HABP4: variants seen among roughly 807,000 people sequenced by gnomAD.
HABP4 encodes the protein intracellular hyaluronan-binding protein 4.
In HABP4, 32 loss-of-function variants were observed where a neutral mutation model predicts 44.1. The ratio of observed to expected loss-of-function variants is 0.73; its 90% CI spans 0.55 to 0.97. The LOEUF is 0.97. HABP4 is among the 50% of genes least tolerant of loss of function. The probability of loss-of-function intolerance (pLI) is 0.00; values close to 1 mark genes in which losing one functional copy is unlikely to be tolerated. For missense variants in HABP4, 503 were observed against 561.9 expected, an observed-to-expected ratio of 0.90 and a Z score of 1.06; for synonymous variants, 216 against 218.0, an observed-to-expected ratio of 0.99 and a Z score of 0.08.
At chr9:96,454,114 A>G (rs1832332878) in intron 1 of HABP4, among the ~76,000 whole-genome samples, 2 of 152,212 alleles carry the variant, frequency 1.3e-5, no homozygotes, top group Admixed American at 1.3e-4. Flanking sequence ...TAAATGTCCT[A>G]TTTTAAGTTT....
chr9:96,465,287 GA>G, intron 2 of HABP4, 49 bp from the exon 3 acceptor site: 1 of 1,197,486 alleles, frequency 8.4e-7, no homozygotes, highest in East Asian at 2.4e-5. Context: ...TTTCTGGAGA[GA>G]CCTTAGACCT....
At position 96,490,147 on chromosome 9, in the gene HABP4, C is replaced by A. The variant is rs369515584; in HGVS notation, c.*109C>A. 2.4e-5 allele frequency: 18 copies of A among 736,556 alleles called. No homozygotes were observed. In the African/African-American group the frequency reaches 2.5e-4, roughly 10 times the overall value. The allele number at this position is 736,556 out of a possible 1,614,324, so 45.6% of individuals were successfully genotyped here. On this transcript the variant is annotated 3_prime_UTR_variant, in exon 8 of 8. Coordinates refer to ENST00000375249, the MANE Select transcript of HABP4 (RefSeq NM_014282.4). ...TAAGAACAATAGATGTTGCTTTTCCCGTGTCATGTAAATTTGTTGCACTTT... is the reference window on the plus strand; with the variant it reads ...TAAGAACAATAGATGTTGCTTTTCCAGTGTCATGTAAATTTGTTGCACTTT...
intron 2 of HABP4, among the ~76,000 whole-genome samples, chr9:96,462,443 C>CT (rs1024307517): frequency 2.6e-5 from 4 of 151,328 alleles, no homozygotes; most frequent in African/African-American, 9.7e-5. Context: ...AGATGAGACT[C>CT]TGTCTCTAAA....
Position 96,484,538 on chromosome 9 carries a change from C to T in HABP4, c.904C>T (p.Gln302Ter). 6.3e-7 allele frequency: 1 copy of T among 1,585,966 alleles called. No homozygotes were observed. Among genetic ancestry groups the T allele is most frequent in the Non-Finnish European group, 8.7e-7 (1 of 1,154,300 alleles). The change falls in exon 6 of 8, where the codon CAG becomes TAG. Residue 302 changes from glutamine (Q) to a stop codon, truncating the protein, a stop_gained. Transcript: ENST00000375249. LOFTEE classifies it high-confidence loss of function. ...AGATGAGTGGAAAAATCTTCAAGAACAGACCAGACCAAAGCCTGAGTTTAA... is the reference window on the plus strand; with the variant it reads ...AGATGAGTGGAAAAATCTTCAAGAATAGACCAGACCAAAGCCTGAGTTTAA... ...TLDEWKNLQE[Q>*]TRPKPEFNIR...
intron 5 of HABP4, among the ~76,000 whole-genome samples, chr9:96,480,102 G>C (rs1832849933): frequency 6.6e-6 from 1 of 152,176 alleles, no homozygotes; most frequent in Non-Finnish European, 1.5e-5. Flanking sequence ...TTGAGCCCAG[G>C]AGGTGGAGGT....
intron 1 of HABP4, among the ~76,000 whole-genome samples, chr9:96,456,835 A>C (rs1832402960): frequency 7.5e-6 from 1 of 133,650 alleles, no homozygotes; most frequent in East Asian, 2.2e-4. Flanking sequence ...ATTAACTTGA[A>C]TAAATGTCAT....
chr9:96,476,639 C>T (rs185093052), intron 5 of HABP4, among the ~76,000 whole-genome samples: 5 of 152,250 alleles, frequency 3.3e-5, no homozygotes, highest in East Asian at 1.9e-4. Context: ...TTCCTAGAAT[C>T]GAAGGATACA....
chr9:96,459,848 G>A (rs1388324046), intron 2 of HABP4, among the ~76,000 whole-genome samples: 1 of 152,210 alleles, frequency 6.6e-6, no homozygotes. Context: ...ACACATTCAA[G>A]ACATTGAGAT....
chr9:96,458,483 C>T lies in HABP4; in HGVS notation c.454C>T (p.Arg152Ter), dbSNP rs375868244. The T allele has an allele frequency of 1.2e-6, 2 of 1,613,064 alleles. No homozygotes were observed. The highest frequency in any genetic ancestry group is 3.3e-5 in the Admixed American group (2 of 60,016). ...RAERRSYREY[R>*]PYETERQADF... ...TGAGCGGAGATCCTACAGGGAATAC[C>T]GACCCTATGAGACAGAGAGGCAGGC... The change falls in exon 2 of 8, where the codon CGA becomes TGA. Residue 152 changes from arginine to a stop codon, truncating the protein, a stop_gained. Transcript: ENST00000375249. LOFTEE classifies it high-confidence loss of function.
At chr9:96,483,855 GGT>G (rs1942433345) in intron 5 of HABP4, 1 of 151,758 alleles carries the variant, frequency 6.6e-6, no homozygotes, top group Non-Finnish European at 1.5e-5. Context: ...TCTTTCTTTT[GGT>G]GTGTGTGGAT....
chr9:96,489,568 C>T (rs1423666420), intron 7 of HABP4, among the ~76,000 whole-genome samples: 1 of 152,244 alleles, frequency 6.6e-6, no homozygotes, highest in East Asian at 1.9e-4. Flanking sequence ...CTGGATGGCC[C>T]TCCTGTGGCC....
Position 96,451,381 on chromosome 9 carries a change from G to T in HABP4, c.349+753G>T, listed in dbSNP as rs561522997. ...TGGTGTCCTGCTGCCTGTGGACGGG[G>T]AGGGTGCTTCAGAGTTCATTCTCTC... is the stretch of plus-strand genomic sequence containing the variant. On this transcript the variant is annotated intron_variant, in intron 1 of 7. Coordinates refer to ENST00000375249, the MANE Select transcript of HABP4 (RefSeq NM_014282.4). The T allele has an allele frequency of 2.2e-4, 120 of 543,678 alleles. No individual in the cohort carries two copies. The African/African-American group carries it at 2.3e-3, about 11-fold the overall frequency. 33.7% of individuals were successfully genotyped at this position (543,678 alleles called of 1,614,324 possible). A position where few individuals can be genotyped will look rare whatever the true frequency, so the allele number is the denominator to read the frequency against.
chr9:96,462,400 A>G (rs555931912), intron 2 of HABP4, among the ~76,000 whole-genome samples: 1 of 152,102 alleles, frequency 6.6e-6, no homozygotes, highest in African/African-American at 2.4e-5. Context: ...GCAGTGAGCC[A>G]AGATTGTGCC....
At chr9:96,463,940 G>A (rs1009278682) in intron 2 of HABP4, among the ~76,000 whole-genome samples, 4 of 152,176 alleles carry the variant, frequency 2.6e-5, no homozygotes, top group African/African-American at 4.8e-5. Context: ...GTTTTTAAAA[G>A]CCTTTCCAAA....
rs375474752 is a variant in HABP4 at position 96,465,443 on chromosome 9, G to A, written c.619G>A (p.Ala207Thr). ...RGGPGNRVFD[A>T]FDQRGKREFE... ...TGGCCCTGGGAACAGAGTTTTTGAC[G>A]CTTTTGACCAGAGAGGAAAGCGAGA... is the stretch of plus-strand genomic sequence containing the variant. Residue 207 changes from alanine (A) to threonine (T), a missense_variant, in exon 3 of 8, where the codon GCT becomes ACT. By Grantham distance (58) the Ala-to-Thr change is moderately conservative. Transcript: ENST00000375249. 3.3e-5 allele frequency: 54 copies of A among 1,612,422 alleles called. No individual in the cohort carries two copies. The highest frequency in any genetic ancestry group is 2.0e-4 in the East Asian group (9 of 44,888).
intron 1 of HABP4, among the ~76,000 whole-genome samples, chr9:96,455,890 A>T (rs942824977): frequency 2.0e-5 from 3 of 151,886 alleles, no homozygotes; most frequent in Admixed American, 6.6e-5. Flanking sequence ...CCCCATCTCT[A>T]CTAAAAATAC....
rs1026177394 is a variant in HABP4 at position 96,490,590 on chromosome 9, T to C, written c.*552T>C. Reference sequence around the variant, plus strand: ...ACCAATCATTTAAAAATCGCTATTGTGTAGCCACTGGCCACCACTCTGTGA... The same window carrying C: ...ACCAATCATTTAAAAATCGCTATTGCGTAGCCACTGGCCACCACTCTGTGA... On this transcript the variant is annotated 3_prime_UTR_variant, in exon 8 of 8. Coordinates refer to ENST00000375249, the MANE Select transcript of HABP4 (RefSeq NM_014282.4). 2.0e-5 allele frequency: 3 copies of C among 152,544 alleles called. No individual in the cohort carries two copies. Among genetic ancestry groups the C allele is most frequent in the African/African-American group, 7.2e-5 (3 of 41,470 alleles). 9.4% of individuals were successfully genotyped at this position (152,544 alleles called of 1,614,324 possible). A position where few individuals can be genotyped will look rare whatever the true frequency, so the allele number is the denominator to read the frequency against.
At chr9:96,489,188 C>T (rs912884000) in intron 7 of HABP4, among the ~76,000 whole-genome samples, 14 of 151,870 alleles carry the variant, frequency 9.2e-5, no homozygotes, top group East Asian at 1.9e-4. Flanking sequence ...ATTTTTTGGG[C>T]GGGGGGTGTA....
chr9:96,473,828 C>T (rs1259525493), intron 5 of HABP4, among the ~76,000 whole-genome samples: 1 of 152,188 alleles, frequency 6.6e-6, no homozygotes, highest in Non-Finnish European at 1.5e-5. Flanking sequence ...GTCTCTTACT[C>T]ATCCTTCAGC....
Sources: gnomAD v4.1 joint callset for allele counts (sites outside exome capture counted in the v4.1 genomes callset) on GRCh38, gnomAD v4.1.1 for gene constraint, MANE v1.5 for transcripts, NCBI Gene and HGNC (gene_info 2026-07-23, HGNC 2026-07-21) for gene names.